Variants in ZRANB3 observed in about 807,000 individuals in gnomAD.
The protein encoded by ZRANB3 is DNA annealing helicase and endonuclease ZRANB3.
Under a neutral mutation model 133.8 loss-of-function variants are expected in ZRANB3, and 125 were observed. The ratio of observed to expected loss-of-function variants is 0.93; its 90% CI spans 0.81 to 1.08. ZRANB3 has a LOEUF of 1.08. Among genes scored for constraint, ZRANB3 ranks in the 50% least tolerant of loss-of-function variants. The pLI, the probability that ZRANB3 is intolerant of heterozygous loss-of-function variation, is 0.00. For synonymous variants in ZRANB3, 387 were observed against 432.7 expected (o/e 0.89, Z 1.31); for missense variants, 1,229 against 1,275.5 (o/e 0.96, Z 0.56).
Position 135,200,110 on chromosome 2 carries a change from A to G in ZRANB3, c.*232T>C. 1 of 597,688 alleles carries G rather than the reference A, an allele frequency of 1.7e-6. No individual in the cohort carries two copies. The highest frequency in any genetic ancestry group is 3.0e-6 in the Non-Finnish European group (1 of 332,940). The allele number at this position is 597,688 out of a possible 1,614,324, so 37.0% of individuals were successfully genotyped here. A position where few individuals can be genotyped will look rare whatever the true frequency, so the allele number is the denominator to read the frequency against. ...AAAACATTGCTGAAACATAATTGCG[A>G]GTCTGAATCAAATCAAAAAGACCAC... On this transcript the variant is annotated 3_prime_UTR_variant, in exon 21 of 21. Transcript: ENST00000264159.
At chr2:135,310,365 T>C (rs1035124572) in intron 8 of ZRANB3, among the ~76,000 whole-genome samples, 1 of 152,156 alleles carries the variant, frequency 6.6e-6, no homozygotes, top group Non-Finnish European at 1.5e-5. Flanking sequence ...TTGGTGAAGG[T>C]GCCAAGGAAA....
chr2:135,394,987 A>C (rs1333451956), intron 2 of ZRANB3, among the ~76,000 whole-genome samples: 1 of 150,316 alleles, frequency 6.7e-6, no homozygotes, highest in African/African-American at 2.4e-5. Flanking sequence ...TACACTCTTC[A>C]CAGAAACAGA....
chr2:135,271,204 CTT>C (rs1680494119), intron 10 of ZRANB3: 1 of 408,668 alleles, frequency 2.4e-6, no homozygotes, highest in African/African-American at 2.1e-5. Flanking sequence ...GTCCTAAGGA[CTT>C]TGTGCAAACA....
chr2:135,478,918 T>C (rs947733045), intron 2 of ZRANB3, among the ~76,000 whole-genome samples: 2 of 151,880 alleles, frequency 1.3e-5, no homozygotes, highest in Non-Finnish European at 2.9e-5. Context: ...TATATGTATA[T>C]ATGTAAACAT....
intron 12 of ZRANB3, among the ~76,000 whole-genome samples, chr2:135,258,347 T>C (rs1679765287): frequency 1.3e-5 from 2 of 152,132 alleles, no homozygotes; most frequent in South Asian, 2.1e-4. Flanking sequence ...TGCCTGTGCA[T>C]TGGGAGGATG....
At chr2:135,250,197 T>C (rs1283403312) in intron 12 of ZRANB3, among the ~76,000 whole-genome samples, 1 of 152,162 alleles carries the variant, frequency 6.6e-6, no homozygotes, top group African/African-American at 2.4e-5. Context: ...GCCCCTACCC[T>C]AGAGATTTGT....
At chr2:135,255,830 G>A (rs937716739) in intron 12 of ZRANB3, among the ~76,000 whole-genome samples, 4 of 151,846 alleles carry the variant, frequency 2.6e-5, no homozygotes, top group Non-Finnish European at 5.9e-5. Context: ...GCAATAGAGT[G>A]AGAGTCTGTC....
At chr2:135,429,687 C>G (rs1195275050) in intron 2 of ZRANB3, among the ~76,000 whole-genome samples, 3 of 151,896 alleles carry the variant, frequency 2.0e-5, no homozygotes, top group African/African-American at 7.3e-5. Context: ...ATGCCTAAAA[C>G]TGGAAAAACA....
chr2:135,385,959 A>T (rs1364534561), intron 3 of ZRANB3, among the ~76,000 whole-genome samples: 3 of 152,180 alleles, frequency 2.0e-5, no homozygotes, highest in Non-Finnish European at 4.4e-5. Context: ...AAAACACCAA[A>T]AGCAATGGCA....
chr2:135,232,421 C>T (rs951577732), intron 12 of ZRANB3, among the ~76,000 whole-genome samples: 2 of 152,228 alleles, frequency 1.3e-5, no homozygotes, highest in African/African-American at 4.8e-5. Context: ...TTAAATGTCC[C>T]TGTCTGACAG....
At position 135,341,120 on chromosome 2, in the gene ZRANB3, G is replaced by T. The variant is rs935000214; in HGVS notation, c.677+4430C>A. 7.4e-5 allele frequency among the ~76,000 whole-genome samples: 11 copies of T among 149,634 alleles called. 1 individual carries two copies. In the South Asian group the frequency reaches 2.1e-3, roughly 28 times the overall value. Reference sequence around the variant, plus strand: ...CGGCTCACTGAAAGCTCCACCTCCCGGGTTCACGCCACTCTCCTGCCTCAG... The same window carrying T: ...CGGCTCACTGAAAGCTCCACCTCCCTGGTTCACGCCACTCTCCTGCCTCAG... On this transcript the variant is annotated intron_variant, in intron 6 of 20. Transcript: ENST00000264159.
chr2:135,281,887 TA>T (rs1356516657), intron 8 of ZRANB3, among the ~76,000 whole-genome samples: 1 of 152,204 alleles, frequency 6.6e-6, no homozygotes, highest in African/African-American at 2.4e-5. Flanking sequence ...CAGCTCTAGG[TA>T]AACATTAATT....
At chr2:135,345,422 G>A (rs902979436) in intron 6 of ZRANB3, 128 bp downstream of exon 6, 1 of 612,626 alleles carries the variant, frequency 1.6e-6, no homozygotes. Context: ...GAGCCATGAT[G>A]GTGCCACTGC....
intron 6 of ZRANB3, among the ~76,000 whole-genome samples, chr2:135,324,651 C>T (rs962012879): frequency 1.6e-4 from 24 of 152,168 alleles, no homozygotes; most frequent in African/African-American, 5.6e-4. Flanking sequence ...CTTGAGGAAT[C>T]GCCACACTGT....
chr2:135,245,316 G>T (rs1695742221), intron 12 of ZRANB3, among the ~76,000 whole-genome samples: 1 of 152,212 alleles, frequency 6.6e-6, no homozygotes, highest in Non-Finnish European at 1.5e-5. Flanking sequence ...TCAGCAGGAA[G>T]TTGGTTGAGG....
intron 9 of ZRANB3, 74 bp from the exon 10 acceptor site, chr2:135,271,961 C>A: frequency 7.3e-7 from 1 of 1,372,904 alleles, no homozygotes; most frequent in Non-Finnish European, 9.5e-7. Context: ...TATTTTACAG[C>A]TTATTTTTAT....
intron 8 of ZRANB3, among the ~76,000 whole-genome samples, chr2:135,281,702 A>C (rs187253004): frequency 3.5e-4 from 54 of 152,324 alleles, no homozygotes; most frequent in African/African-American, 1.2e-3. Flanking sequence ...ACTGGGATAC[A>C]ATTCACATAC....
rs886881398 is a variant in ZRANB3, at chr2:135,372,712, G to A, written c.180+18090C>T. Among the ~76,000 whole-genome samples the A allele has an allele frequency of 3.0e-4, 45 of 151,706 alleles. No homozygotes were observed. The Middle Eastern group carries it at 0.01, about 34-fold the overall frequency. On this transcript the variant is annotated intron_variant, in intron 3 of 20. Coordinates refer to ENST00000264159, the MANE Select transcript of ZRANB3 (RefSeq NM_032143.4). Reference sequence around the variant, plus strand: ...TGAGGCAGGAGAATGGTGTGAACCCGGGAGGCGGAGCTTGCAGTAAGCCAA... The same window carrying A: ...TGAGGCAGGAGAATGGTGTGAACCCAGGAGGCGGAGCTTGCAGTAAGCCAA...
rs532084107 is a variant in ZRANB3 at position 135,332,498 on chromosome 2, G to A, written c.677+13052C>T. Among the ~76,000 whole-genome samples the A allele has an allele frequency of 1.8e-3, 270 of 152,112 alleles. 3 individuals carry two copies. Among genetic ancestry groups the A allele is most frequent in the African/African-American group, 6.4e-3 (265 of 41,504 alleles). ...GCAATCAATAACATTAGACATTTTT[G>A]AACTGAATATGAGATTCCTCTCATT... On this transcript the variant is annotated intron_variant, in intron 6 of 20. Coordinates refer to ENST00000264159, the MANE Select transcript of ZRANB3 (RefSeq NM_032143.4).
Sources: gnomAD v4.1 joint callset for allele counts (sites outside exome capture counted in the v4.1 genomes callset) on GRCh38, gnomAD v4.1.1 for gene constraint, MANE v1.5 for transcripts, NCBI Gene and HGNC (gene_info 2026-07-23, HGNC 2026-07-21) for gene names.